The following SPATA6L variants were observed in gnomAD, a reference collection of about 807,000 sequenced individuals.
The protein encoded by SPATA6L is spermatogenesis associated 6-like protein.
A neutral mutation model predicts 49.2 loss-of-function variants in SPATA6L; 68 were observed. The ratio of observed to expected loss-of-function variants is 1.38; its 90% CI spans 1.14 to 1.69. The LOEUF is 1.69. Among genes scored for constraint, SPATA6L ranks in the 40% most tolerant of loss-of-function variants. The pLI is 0.00. For missense variants in SPATA6L, 668 were observed against 464.3 expected (o/e 1.44, Z -4.03); for synonymous variants, 198 against 165.7 (o/e 1.19, Z -1.50).
intron 13 of SPATA6L, among the ~76,000 whole-genome samples, chr9:4,592,950 T>C (rs542927751): frequency 2.0e-5 from 3 of 152,288 alleles, no homozygotes; most frequent in South Asian, 4.1e-4. Context: ...AAAAAAAGAA[T>C]CACTGCTAAC....
At chr9:4,606,721 C>G (rs549202056) in intron 9 of SPATA6L, among the ~76,000 whole-genome samples, 4,497 of 141,158 alleles carry the variant, frequency 0.032, 111 homozygotes, top group African/African-American at 0.05. Flanking sequence ...ACTGGAAACT[C>G]TAAAAAGCAG....
At chr9:4,653,617 T>G (rs1837411236) in intron 3 of SPATA6L, among the ~76,000 whole-genome samples, 2 of 152,174 alleles carry the variant, frequency 1.3e-5, no homozygotes, top group South Asian at 4.1e-4. Flanking sequence ...AACAAAGGTC[T>G]TGTATCTAGG....
intron 3 of SPATA6L, chr9:4,646,544 T>C (rs1209332134): frequency 6.7e-7 from 1 of 1,486,764 alleles, no homozygotes; most frequent in Admixed American, 2.4e-5. Context: ...AAGGAAAAAA[T>C]GAGATTTTAA....
intron 3 of SPATA6L, among the ~76,000 whole-genome samples, chr9:4,650,831 TG>T (rs1836666681): frequency 4.3e-5 from 1 of 23,466 alleles, no homozygotes; most frequent in Non-Finnish European, 6.8e-5. Flanking sequence ...AGCTTGTGTG[TG>T]TGTGTGTGTG....
chr9:4,664,484 T>C (rs1371081315), intron 1 of SPATA6L: 1 of 167,092 alleles, frequency 6.0e-6, no homozygotes, highest in Non-Finnish European at 1.5e-5. Flanking sequence ...CATTGACCTT[T>C]ACATTTAAAG....
intron 13 of SPATA6L, among the ~76,000 whole-genome samples, chr9:4,592,510 C>T (rs1168293278): frequency 6.6e-6 from 1 of 152,086 alleles, no homozygotes; most frequent in Non-Finnish European, 1.5e-5. Context: ...AAACATTAAG[C>T]AACTTCCCCA....
At chr9:4,622,592 C>A (rs1020384143) in intron 6 of SPATA6L, 82 bp from the exon 7 acceptor site, 3 of 923,210 alleles carry the variant, frequency 3.2e-6, no homozygotes, top group Admixed American at 2.1e-5. Flanking sequence ...GCCTGTCTCC[C>A]CCTCAATCAC....
intron 7 of SPATA6L, 72 bp from the exon 8 acceptor site, chr9:4,618,970 A>G: frequency 7.2e-7 from 1 of 1,391,630 alleles, no homozygotes; most frequent in Non-Finnish European, 1.0e-6. Flanking sequence ...CATTATATTT[A>G]TTCTACAGCA....
rs943925470 is a variant in SPATA6L at position 4,607,504 on chromosome 9, A to G, written c.996-2064T>C. 1.3e-3 allele frequency among the ~76,000 whole-genome samples: 203 copies of G among 152,348 alleles called. 1 individual carries two copies. The highest frequency in any genetic ancestry group is 3.7e-3 in the South Asian group (18 of 4,832). ...GGGCCAATATTCCACATTCTTAAAG[A>G]AAAGAATTTTCAACCCAGAATGTCA... On this transcript the variant is annotated intron_variant, in intron 9 of 11. Coordinates refer to ENST00000682582, the MANE Select transcript of SPATA6L (RefSeq NM_001353486.2).
intron 4 of SPATA6L, among the ~76,000 whole-genome samples, chr9:4,632,616 G>C (rs1831861819): frequency 6.7e-6 from 1 of 149,768 alleles, no homozygotes; most frequent in African/African-American, 2.5e-5. Flanking sequence ...AAAAAATTAA[G>C]TGTGTTACTC....
At chr9:4,613,205 G>A (rs539681941) in intron 9 of SPATA6L, among the ~76,000 whole-genome samples, 1 of 151,238 alleles carries the variant, frequency 6.6e-6, no homozygotes, top group African/African-American at 2.4e-5. Flanking sequence ...TCCAGCCTGG[G>A]TAACATAGCA....
intron 3 of SPATA6L, among the ~76,000 whole-genome samples, chr9:4,654,802 C>G (rs73395714): frequency 0.071 from 10,788 of 152,084 alleles, 879 homozygotes; most frequent in African/African-American, 0.19. Flanking sequence ...CTAGGGTCTC[C>G]GTCTGTTACA....
intron 6 of SPATA6L, among the ~76,000 whole-genome samples, chr9:4,623,040 G>A (rs1048803931): frequency 3.3e-5 from 5 of 152,158 alleles, no homozygotes; most frequent in Non-Finnish European, 7.3e-5. Context: ...ACCACTTTGG[G>A]AGGCCGAGGA....
At chr9:4,604,008 C>T (rs1239519790) in intron 11 of SPATA6L, among the ~76,000 whole-genome samples, 171 bp downstream of exon 11, 1 of 152,198 alleles carries the variant, frequency 6.6e-6, no homozygotes, top group East Asian at 1.9e-4. Context: ...AAGGCACGTG[C>T]ACTGCAGTTA....
intron 3 of SPATA6L, among the ~76,000 whole-genome samples, chr9:4,636,305 C>A (rs1832796471): frequency 6.6e-6 from 1 of 152,092 alleles, no homozygotes; most frequent in African/African-American, 2.4e-5. Flanking sequence ...AAACCACTTT[C>A]ATTTTTCCTT....
chr9:4,625,036 A>G (rs1005145745), intron 6 of SPATA6L, among the ~76,000 whole-genome samples: 14 of 152,330 alleles, frequency 9.2e-5, no homozygotes, highest in South Asian at 4.1e-4. Context: ...ACTCTTCAAG[A>G]TAATGGCAAG....
At chr9:4,628,971 T>C (rs562994079) in intron 5 of SPATA6L, 120 bp downstream of exon 5, 2 of 681,254 alleles carry the variant, frequency 2.9e-6, no homozygotes, top group African/African-American at 1.8e-5. Flanking sequence ...GTAAAAACTT[T>C]CCAGGTTTCT....
chr9:4,608,007 A>T (rs557435958), intron 9 of SPATA6L, among the ~76,000 whole-genome samples: 2,288 of 125,104 alleles, frequency 0.018, no homozygotes, highest in East Asian at 0.033. Flanking sequence ...AGTCTCGGAT[A>T]AAACAGACTT....
intron 10 of SPATA6L, 111 bp from the exon 11 acceptor site, chr9:4,604,380 T>C (rs1824185605): frequency 3.1e-6 from 2 of 649,258 alleles, no homozygotes; most frequent in Non-Finnish European, 5.4e-6. Context: ...ATTTATGCCG[T>C]TATATGGGGT....
Sources: gnomAD v4.1 joint callset for allele counts (sites outside exome capture counted in the v4.1 genomes callset) on GRCh38, gnomAD v4.1.1 for gene constraint, MANE v1.5 for transcripts, NCBI Gene and HGNC (gene_info 2026-07-23, HGNC 2026-07-21) for gene names.